Variants in SLC39A11 observed in about 807,000 individuals in gnomAD.
SLC39A11 encodes the protein solute carrier family 39 member 11, also known as zinc transporter ZIP11.
In SLC39A11, 33 loss-of-function variants were observed where a neutral mutation model predicts 36.1. The ratio of observed to expected loss-of-function variants is 0.91; its 90% CI spans 0.69 to 1.22. The LOEUF is 1.22. Ranked by LOEUF, SLC39A11 falls within the 50% of genes most tolerant of loss-of-function variation. The pLI, the probability that SLC39A11 is intolerant of heterozygous loss-of-function variation, is 0.00. For missense variants in SLC39A11, 432 were observed against 430.3 expected (o/e 1.00, Z -0.03); for synonymous variants, 166 against 170.3 (o/e 0.97, Z 0.20).
intron 4 of SLC39A11, among the ~76,000 whole-genome samples, chr17:72,967,370 C>CAGAGAGAGAGAGAGAGAGAG (rs72044418): frequency 0.013 from 1,404 of 109,708 alleles, 6 homozygotes; most frequent in South Asian, 0.017. Flanking sequence ...TAAGCATGCT[C>CAGAGAGAGAGAGAGAGAGAG]AGAGAGAGAG....
intron 5 of SLC39A11, among the ~76,000 whole-genome samples, chr17:72,874,667 G>C (rs2080803893): frequency 1.3e-5 from 2 of 152,176 alleles, no homozygotes; most frequent in Non-Finnish European, 2.9e-5. Context: ...GAAATCATCA[G>C]GGAACACCCT....
chr17:72,891,695 T>C (rs1013485835), intron 5 of SLC39A11, among the ~76,000 whole-genome samples: 1 of 152,060 alleles, frequency 6.6e-6, no homozygotes, highest in East Asian at 1.9e-4. Flanking sequence ...TTATTACACA[T>C]ATAGATATAG....
chr17:72,756,791 T>C (rs546887852), intron 6 of SLC39A11, among the ~76,000 whole-genome samples: 90 of 152,182 alleles, frequency 5.9e-4, no homozygotes, highest in Non-Finnish European at 1.1e-3. Context: ...AATTTTGTTA[T>C]GAGTATTTTA....
chr17:72,684,008 T>C (rs529097942), intron 7 of SLC39A11, among the ~76,000 whole-genome samples: 18 of 152,324 alleles, frequency 1.2e-4, no homozygotes, highest in Middle Eastern at 3.4e-3. Flanking sequence ...GGAAGGGCTA[T>C]TCAAGTGCTT....
chr17:72,937,179 G>A (rs767833416), intron 5 of SLC39A11, among the ~76,000 whole-genome samples: 2 of 152,170 alleles, frequency 1.3e-5, no homozygotes, highest in African/African-American at 2.4e-5. Context: ...ATTGGCTCAC[G>A]CCTGTAATCC....
chr17:73,066,746 G>C (rs1388433690), intron 3 of SLC39A11, among the ~76,000 whole-genome samples: 1 of 152,216 alleles, frequency 6.6e-6, no homozygotes, highest in East Asian at 1.9e-4. Context: ...AGGACCAGGA[G>C]ATGGAGAAAA....
At chr17:72,888,053 C>T (rs1173176459) in intron 5 of SLC39A11, among the ~76,000 whole-genome samples, 2 of 152,178 alleles carry the variant, frequency 1.3e-5, no homozygotes, top group Admixed American at 6.5e-5. Flanking sequence ...AAGAAACACA[C>T]ATTTTTCTGT....
At chr17:72,771,700 G>A (rs765059298) in intron 6 of SLC39A11, among the ~76,000 whole-genome samples, 5 of 152,192 alleles carry the variant, frequency 3.3e-5, no homozygotes, top group Admixed American at 2.0e-4. Context: ...GCCACGCTGA[G>A]GCCAACTGCA....
chr17:73,077,228 T>G (rs2060352485), intron 3 of SLC39A11, among the ~76,000 whole-genome samples: 1 of 152,242 alleles, frequency 6.6e-6, no homozygotes, highest in African/African-American at 2.4e-5. Context: ...GAGTCCCAAC[T>G]GTCTCCCATA....
chr17:73,042,820 TAAG>T (rs1338418381), intron 3 of SLC39A11, among the ~76,000 whole-genome samples: 1 of 151,962 alleles, frequency 6.6e-6, no homozygotes, highest in African/African-American at 2.4e-5. Flanking sequence ...ATAATAATAA[TAAG>T]AAGAAGAATT....
At chr17:72,883,104 G>A (rs2081287189) in intron 5 of SLC39A11, among the ~76,000 whole-genome samples, 1 of 152,066 alleles carries the variant, frequency 6.6e-6, no homozygotes, top group Admixed American at 6.6e-5. Flanking sequence ...CCGAGAAAAT[G>A]CTTTTAGGTG....
intron 5 of SLC39A11, among the ~76,000 whole-genome samples, chr17:72,901,841 C>T (rs1472539041): frequency 1.3e-5 from 2 of 152,128 alleles, no homozygotes; most frequent in African/African-American, 4.8e-5. Context: ...TGGCACTGTG[C>T]TGCATGCATG....
chr17:72,660,127 G>C (rs1480504759), intron 7 of SLC39A11, among the ~76,000 whole-genome samples: 1 of 152,096 alleles, frequency 6.6e-6, no homozygotes, highest in East Asian at 1.9e-4. Flanking sequence ...AATGTCTCAG[G>C]CCTTGAGCTT....
chr17:72,757,027 G>A (rs529205498), intron 6 of SLC39A11, among the ~76,000 whole-genome samples: 136 of 151,006 alleles, frequency 9.0e-4, no homozygotes, highest in African/African-American at 3.1e-3. Context: ...TTAGCCAGGC[G>A]TGGTAGCGGG....
chr17:72,980,826 C>G (rs904751266), intron 4 of SLC39A11, among the ~76,000 whole-genome samples: 3 of 151,990 alleles, frequency 2.0e-5, no homozygotes, highest in Admixed American at 6.6e-5. Context: ...GAGTTTGAGA[C>G]CAGCCTGGCC....
At chr17:72,967,086 G>A (rs893656505) in intron 4 of SLC39A11, among the ~76,000 whole-genome samples, 5 of 152,132 alleles carry the variant, frequency 3.3e-5, no homozygotes, top group African/African-American at 1.2e-4. Flanking sequence ...CCTCGTTGCA[G>A]GAAAATGAGC....
intron 3 of SLC39A11, among the ~76,000 whole-genome samples, chr17:73,053,750 C>T (rs2059581684): frequency 6.6e-6 from 1 of 152,134 alleles, no homozygotes; most frequent in African/African-American, 2.4e-5. Flanking sequence ...CCCATGGTGC[C>T]GACCGCCCCC....
At chr17:72,813,145 A>G (rs1048772147) in intron 6 of SLC39A11, among the ~76,000 whole-genome samples, 3 of 152,200 alleles carry the variant, frequency 2.0e-5, no homozygotes, top group Non-Finnish European at 4.4e-5. Flanking sequence ...TTGGTCTTCC[A>G]AAGACTAGCT....
chr17:72,976,788 T>C (rs2087883579), intron 4 of SLC39A11, among the ~76,000 whole-genome samples: 1 of 148,692 alleles, frequency 6.7e-6, no homozygotes, highest in Non-Finnish European at 1.5e-5. Flanking sequence ...AGGCAGAGGT[T>C]GGAGTGAGCT....
Sources: allele counts gnomAD v4.1 joint callset (sites outside exome capture counted in the v4.1 genomes callset), GRCh38; gene constraint gnomAD v4.1.1; transcripts MANE v1.5; gene names NCBI Gene and HGNC (gene_info 2026-07-23, HGNC 2026-07-21).